Variants in GPATCH8 observed in about 807,000 individuals in gnomAD.
GPATCH8 encodes G patch domain-containing protein 8.
GPATCH8 carries 18 observed loss-of-function variants against 118.3 expected under a neutral mutation model. That is an observed-to-expected ratio of 0.15 (90% confidence interval 0.11 to 0.23). The LOEUF (loss-of-function observed/expected upper bound fraction) is 0.23. Ranked by LOEUF, GPATCH8 falls within the 10% of genes least tolerant of loss-of-function variation. The pLI is 1.00. For synonymous variants in GPATCH8, 659 were observed against 684.7 expected (o/e 0.96, Z 0.59); for missense variants, 1,631 against 1,873.8 (o/e 0.87, Z 2.39).
chr17:44,397,516 G>A lies in GPATCH8; in HGVS notation c.*52C>T, dbSNP rs1267355137. On this transcript the variant is annotated 3_prime_UTR_variant, in exon 8 of 8. Transcript: ENST00000591680. ...TATTAATGGCTCAACACCCCCAAGG[G>A]AACATTTATGGGTCTCCTCCCCTGG... is the stretch of plus-strand genomic sequence containing the variant. 1 of 1,249,092 alleles carries A rather than the reference G, an allele frequency of 8.0e-7. No homozygotes were observed. Among genetic ancestry groups the A allele is most frequent in the East Asian group, 2.3e-5 (1 of 43,124 alleles). The allele number at this position is 1,249,092 out of a possible 1,614,324, so 77.4% of individuals were successfully genotyped here. A position where few individuals can be genotyped will look rare whatever the true frequency, so the allele number is the denominator to read the frequency against.
intron 3 of GPATCH8, among the ~76,000 whole-genome samples, chr17:44,452,303 A>G (rs2051146457): frequency 6.6e-6 from 1 of 150,728 alleles, no homozygotes; most frequent in East Asian, 1.9e-4. Context: ...AAAAAAAAAA[A>G]GGAAAAAAGA....
rs753917372 is a variant in GPATCH8, at chr17:44,401,453, A to G, written c.624T>C (p.Cys208=). The G allele has an allele frequency of 2.1e-5, 34 of 1,588,112 alleles. No individual in the cohort carries two copies. The Admixed American group carries it at 5.0e-4, about 23-fold the overall frequency. The change falls in exon 8 of 8, where the codon TGT becomes TGC. Residue 208 remains cysteine (C), a splice_region_variant and synonymous_variant. Coordinates refer to ENST00000591680, the MANE Select transcript of GPATCH8 (RefSeq NM_001002909.4). ...ELAEQRKQAE[C]APGSGPMFKP... ...TGAACATGGGACCACTTCCAGGTGC[A>G]CTACATGATGATTTAGAAAAATAAA...
At chr17:44,432,010 A>T (rs35650040) in intron 5 of GPATCH8, among the ~76,000 whole-genome samples, 4,600 of 151,680 alleles carry the variant, frequency 0.03, 213 homozygotes, top group African/African-American at 0.11. Flanking sequence ...AAGTGAAAAG[A>T]GAAGGTGGTA....
chr17:44,488,303 T>C (rs890967464), intron 1 of GPATCH8, among the ~76,000 whole-genome samples: 1 of 148,588 alleles, frequency 6.7e-6, no homozygotes, highest in Non-Finnish European at 1.5e-5. Flanking sequence ...CTCAGCTCAC[T>C]GCATCTTCTA....
At chr17:44,495,324 ACT>A (rs1207600601) in intron 1 of GPATCH8, among the ~76,000 whole-genome samples, 1 of 151,982 alleles carries the variant, frequency 6.6e-6, no homozygotes, top group Non-Finnish European at 1.5e-5. Flanking sequence ...ACAGAGCAAG[ACT>A]CTGTCTGAAA....
In GPATCH8 at chr17:44,492,025, C is replaced by T. The variant is rs530674127; in HGVS notation, c.45+11301G>A. On this transcript the variant is annotated intron_variant, in intron 1 of 7. Coordinates refer to ENST00000591680, the MANE Select transcript of GPATCH8 (RefSeq NM_001002909.4). ...AAATTTATTTCAATTTACAGCCAGACGTGGTGGCTCATGCCTGTAATCCCA... is the reference window on the plus strand; with the variant it reads ...AAATTTATTTCAATTTACAGCCAGATGTGGTGGCTCATGCCTGTAATCCCA... Among the ~76,000 whole-genome samples, 6 of 152,178 alleles carry T rather than the reference C, an allele frequency of 3.9e-5. No individual in the cohort carries two copies. In the East Asian group the frequency reaches 7.7e-4, roughly 20 times the overall value.
chr17:44,420,825 A>G (rs746150305), intron 6 of GPATCH8, among the ~76,000 whole-genome samples: 12 of 152,096 alleles, frequency 7.9e-5, no homozygotes, highest in Non-Finnish European at 1.3e-4. Flanking sequence ...AAGTCTATAC[A>G]TTATTGAAGT....
intron 6 of GPATCH8, among the ~76,000 whole-genome samples, chr17:44,413,189 G>A (rs115032360): frequency 0.02 from 3,011 of 152,278 alleles, 106 homozygotes; most frequent in African/African-American, 0.068. Flanking sequence ...AAAAAACCAA[G>A]TATTTGGTAA....
Position 44,453,494 on chromosome 17 carries a change from GGTAGGGGTGT to G in GPATCH8, c.193+10968_193+10977del, listed in dbSNP as rs916077828. On this transcript the variant is annotated intron_variant, in intron 3 of 7. Transcript: ENST00000591680. Reference sequence around the variant, plus strand: ...CCTTCTAGTTGTAGGTAGGTAGGTAGGTAGGGGTGTGTGTGTGTGTGTGTGTGTGTGTGTG... The same window carrying G: ...CCTTCTAGTTGTAGGTAGGTAGGTAGGTGTGTGTGTGTGTGTGTGTGTGTG... Among the ~76,000 whole-genome samples the G allele has an allele frequency of 2.8e-4, 12 of 43,168 alleles. 1 individual carries two copies. Among genetic ancestry groups the G allele is most frequent in the East Asian group, 1.1e-3 (2 of 1,896 alleles). 28.3% of individuals were successfully genotyped at this position (43,168 alleles called of 152,430 possible). A position where few individuals can be genotyped will look rare whatever the true frequency, so the allele number is the denominator to read the frequency against.
intron 3 of GPATCH8, among the ~76,000 whole-genome samples, chr17:44,461,857 AT>A (rs1481251420): frequency 5.7e-5 from 6 of 105,004 alleles, no homozygotes; most frequent in Non-Finnish European, 9.8e-5. Context: ...AGCCCAACTA[AT>A]TTTTGGGGGG....
At chr17:44,447,836 C>A (rs917075632) in intron 3 of GPATCH8, among the ~76,000 whole-genome samples, 13 of 152,152 alleles carry the variant, frequency 8.5e-5, no homozygotes, top group Non-Finnish European at 1.5e-4. Flanking sequence ...CCAAAAGAGA[C>A]AACAAATGGA....
chr17:44,449,709 T>C (rs1368097585), intron 3 of GPATCH8, among the ~76,000 whole-genome samples: 3 of 151,204 alleles, frequency 2.0e-5, no homozygotes, highest in Admixed American at 6.6e-5. Flanking sequence ...AGAGACGGGG[T>C]TTCTCCATGT....
intron 6 of GPATCH8, among the ~76,000 whole-genome samples, chr17:44,420,369 G>A (rs9902493): frequency 0.54 from 81,508 of 151,902 alleles, 22,612 homozygotes; most frequent in Middle Eastern, 0.62. Context: ...ATATATATAC[G>A]AAAGTTTTTA....
chr17:44,428,942 C>T (rs991794623), intron 5 of GPATCH8, among the ~76,000 whole-genome samples: 3 of 151,866 alleles, frequency 2.0e-5, no homozygotes, highest in Admixed American at 2.0e-4. Flanking sequence ...GAGATCGAGA[C>T]CATCCTGGCT....
intron 3 of GPATCH8, among the ~76,000 whole-genome samples, chr17:44,443,558 A>C (rs1339989925): frequency 6.6e-6 from 1 of 152,188 alleles, no homozygotes; most frequent in Non-Finnish European, 1.5e-5. Context: ...AAAAAGGAAA[A>C]ACTTTCTACC....
At chr17:44,448,255 A>G (rs2050959706) in intron 3 of GPATCH8, among the ~76,000 whole-genome samples, 1 of 152,142 alleles carries the variant, frequency 6.6e-6, no homozygotes, top group South Asian at 2.1e-4. Flanking sequence ...ATTATCTATG[A>G]TCAATAATCA....
chr17:44,475,287 G>A (rs1232496827), intron 1 of GPATCH8, among the ~76,000 whole-genome samples: 2 of 151,916 alleles, frequency 1.3e-5, no homozygotes, highest in African/African-American at 2.4e-5. Flanking sequence ...GGCTGAGGCA[G>A]GAGAACTGCT....
chr17:44,480,696 G>C (rs1222522884), intron 1 of GPATCH8, among the ~76,000 whole-genome samples: 2 of 150,404 alleles, frequency 1.3e-5, no homozygotes, highest in Non-Finnish European at 3.0e-5. Flanking sequence ...CTCCAGCCTG[G>C]GCAACAAGGG....
Position 44,398,017 on chromosome 17 carries a change from G to A in GPATCH8, c.4060C>T (p.Pro1354Ser). The part of the protein sequence containing the change: ...PASAALAPAT[P>S]ALQPIHIQQP... ...TGAATGTGGATGGGTTGCAGGGCTG[G>A]TGTGGCTGGGGCCAGGGCAGCTGAG... is the stretch of plus-strand genomic sequence containing the variant. Residue 1354 changes from proline (P) to serine (S), a missense_variant, in exon 8 of 8, where the codon CCA (proline) becomes TCA (serine). By Grantham distance (74) the Pro-to-Ser change is moderately conservative. This residue lies in a region of GPATCH8 where 111 missense variants were observed against 112.4 expected (regional missense o/e 0.99). Transcript: ENST00000591680. The A allele has an allele frequency of 6.2e-7, 1 of 1,613,994 alleles. No homozygotes were observed. Among genetic ancestry groups the A allele is most frequent in the Non-Finnish European group, 8.5e-7 (1 of 1,179,872 alleles).
Sources: gnomAD v4.1 joint callset for allele counts (sites outside exome capture counted in the v4.1 genomes callset) on GRCh38, gnomAD v4.1.1 for gene constraint, gnomAD v4.1.1 regional missense constraint, MANE v1.5 for transcripts, NCBI Gene and HGNC (gene_info 2026-07-23, HGNC 2026-07-21) for gene names.